The following DOCK5 variants were observed in gnomAD, a reference collection of about 807,000 sequenced individuals.
The protein encoded by DOCK5 is dedicator of cytokinesis protein 5.
A neutral mutation model predicts 251.8 loss-of-function variants in DOCK5; 142 were observed. The ratio of observed to expected loss-of-function variants is 0.56; its 90% confidence interval spans 0.49 to 0.65. The LOEUF is 0.65. Among genes scored for constraint, DOCK5 ranks in the 30% least tolerant of loss-of-function variants. The pLI is 0.00. For synonymous variants in DOCK5, 842 were observed against 835.5 expected (o/e 1.01, Z -0.13); for missense variants, 2,111 against 2,312.3 (o/e 0.91, Z 1.79).
chr8:25,186,723 T>G (rs1801440069), intron 1 of DOCK5, among the ~76,000 whole-genome samples: 1 of 152,120 alleles, frequency 6.6e-6, no homozygotes, highest in Non-Finnish European at 1.5e-5. Context: ...TACAGAAATG[T>G]TATCAACTCT....
chr8:25,268,463 A>C (rs1366545111), intron 2 of DOCK5, among the ~76,000 whole-genome samples: 1 of 152,158 alleles, frequency 6.6e-6, no homozygotes, highest in Non-Finnish European at 1.5e-5. Context: ...TGACATGTAG[A>C]AAGCATGTAT....
At chr8:25,377,030 G>A (rs1170281957) in intron 37 of DOCK5, among the ~76,000 whole-genome samples, 1 of 152,060 alleles carries the variant, frequency 6.6e-6, no homozygotes, top group African/African-American at 2.4e-5. Flanking sequence ...TTATCTGACT[G>A]TGTTACTGAT....
chr8:25,201,140 C>T (rs1474884739), intron 1 of DOCK5, among the ~76,000 whole-genome samples: 1 of 152,184 alleles, frequency 6.6e-6, no homozygotes, highest in Non-Finnish European at 1.5e-5. Context: ...CTCCTGACCT[C>T]AGGTGATCCG....
chr8:25,411,184 G>T lies in DOCK5; in HGVS notation c.5509-10G>T. On this transcript the variant is annotated splice_polypyrimidine_tract_variant and intron_variant, in intron 51 of 51. Transcript: ENST00000276440. ...GACCTGCTTCTAATTTTGTGTTTCT[G>T]CTTCTGCAGCTCGCTCCCCCACTGC... 1 of 1,548,418 alleles carries T rather than the reference G, an allele frequency of 6.5e-7. No individual in the cohort carries two copies. The highest frequency in any genetic ancestry group is 1.2e-5 in the South Asian group (1 of 82,506).
At chr8:25,260,792 CTTTCT>C (rs1385846569) in intron 2 of DOCK5, among the ~76,000 whole-genome samples, 20 of 150,646 alleles carry the variant, frequency 1.3e-4, no homozygotes, top group African/African-American at 4.9e-4. Context: ...TTCTTTCTTT[CTTTCT>C]TTTTTTTTTT....
At chr8:25,323,048 C>A (rs1350158787) in intron 16 of DOCK5, among the ~76,000 whole-genome samples, 1 of 152,196 alleles carries the variant, frequency 6.6e-6, no homozygotes, top group African/African-American at 2.4e-5. Flanking sequence ...GCACAGCAGA[C>A]CACAGAGCCG....
intron 50 of DOCK5, chr8:25,409,832 C>A: frequency 3.7e-6 from 1 of 266,870 alleles, no homozygotes; most frequent in South Asian, 4.9e-5. Context: ...GGCAACAGAG[C>A]GAGACTCCAT....
chr8:25,302,510 A>G (rs1016902175), intron 10 of DOCK5, 56 bp downstream of exon 10: 3 of 1,431,912 alleles, frequency 2.1e-6, no homozygotes, highest in Admixed American at 3.0e-5. Context: ...GGAAAATAGC[A>G]TGGCGATTTC....
At chr8:25,298,565 G>T (rs918957507) in intron 7 of DOCK5, among the ~76,000 whole-genome samples, 1 of 151,974 alleles carries the variant, frequency 6.6e-6, no homozygotes, top group Non-Finnish European at 1.5e-5. Flanking sequence ...CTTCCTCTCG[G>T]GTGTTATCTG....
intron 1 of DOCK5, among the ~76,000 whole-genome samples, chr8:25,230,652 A>T (rs956476538): frequency 2.6e-5 from 4 of 151,874 alleles, no homozygotes; most frequent in Non-Finnish European, 4.4e-5. Context: ...GGAGTTTGAG[A>T]CCAGCCTGGC....
rs142011650 is a variant in DOCK5 at position 25,191,734 on chromosome 8, A to C, written c.43+6783A>C. Among the ~76,000 whole-genome samples, 283 of 151,560 alleles carry C rather than the reference A, an allele frequency of 1.9e-3. 1 individual carries two copies. The highest frequency in any genetic ancestry group is 6.5e-3 in the African/African-American group (270 of 41,472). ...TGAGTTTCTCATCCATGGCCATATAATCTCACTCCAAAAACAAAATCTTTT... is the reference window on the plus strand; with the variant it reads ...TGAGTTTCTCATCCATGGCCATATACTCTCACTCCAAAAACAAAATCTTTT... On this transcript the variant is annotated intron_variant, in intron 1 of 51. Transcript: ENST00000276440.
At chr8:25,368,150 TCTA>T (rs758901660) in intron 31 of DOCK5, 39 bp from the exon 32 acceptor site, 1 of 1,487,230 alleles carries the variant, frequency 6.7e-7, no homozygotes, top group South Asian at 1.2e-5. Flanking sequence ...GCAATTCATT[TCTA>T]CTGAAAATCC....
Position 25,366,935 on chromosome 8 carries a change from C to T in DOCK5, c.3189C>T (p.Thr1063=), listed in dbSNP as rs762483242. 1 of 1,613,812 alleles carries T rather than the reference C, an allele frequency of 6.2e-7. No homozygotes were observed. The change falls in exon 31 of 52, where the codon ACC becomes ACT. Residue 1063 remains threonine, a synonymous_variant. Transcript: ENST00000276440. ...CCCATGAGTCCCTTCAGCTTGAAAC[C>T]TTCTCACAAGCCAAGCGCAACAAAA... ...FLTHESLQLE[T]FSQAKRNKIV...
At chr8:25,206,608 A>G (rs936242357) in intron 1 of DOCK5, among the ~76,000 whole-genome samples, 2 of 152,202 alleles carry the variant, frequency 1.3e-5, no homozygotes, top group African/African-American at 4.8e-5. Flanking sequence ...CCTGGATAGA[A>G]GACCCAGGGA....
chr8:25,221,697 G>A (rs1048544195), intron 1 of DOCK5, among the ~76,000 whole-genome samples: 7 of 152,132 alleles, frequency 4.6e-5, no homozygotes, highest in Non-Finnish European at 1.0e-4. Flanking sequence ...ATCATTAGTT[G>A]AGTACTTACA....
At chr8:25,312,619 TG>T (rs1805131014) in intron 13 of DOCK5, among the ~76,000 whole-genome samples, 1 of 151,964 alleles carries the variant, frequency 6.6e-6, no homozygotes, top group African/African-American at 2.4e-5. Flanking sequence ...AAAAATCAGC[TG>T]GGCGAGTTGA....
rs117553052 is a variant in DOCK5, at chr8:25,248,807, G to C, written c.127+5050G>C. On this transcript the variant is annotated intron_variant, in intron 2 of 51. Transcript: ENST00000276440. The stretch of plus-strand genomic sequence containing the variant: ...GCTCAGCAACAATCTATTGAATGAT[G>C]AAGGTAAAATAGGAGACCAAGGCAA... Among the ~76,000 whole-genome samples, 946 of 152,188 alleles carry C rather than the reference G, an allele frequency of 6.2e-3. 7 individuals carry two copies. The highest frequency in any genetic ancestry group is 1.0e-2 in the Non-Finnish European group (678 of 68,020).
intron 13 of DOCK5, among the ~76,000 whole-genome samples, 197 bp from the exon 14 acceptor site, chr8:25,316,810 G>A (rs926295599): frequency 2.0e-5 from 3 of 152,194 alleles, no homozygotes; most frequent in Admixed American, 1.3e-4. Flanking sequence ...ACAGTGCAAA[G>A]ACATCTTGGT....
chr8:25,298,308 G>A (rs1223500602), intron 7 of DOCK5, among the ~76,000 whole-genome samples: 1 of 152,034 alleles, frequency 6.6e-6, no homozygotes, highest in Admixed American at 6.6e-5. Context: ...TTTAATGAGA[G>A]TTATTTCTTT....
Sources: gnomAD v4.1 joint callset for allele counts (sites outside exome capture counted in the v4.1 genomes callset) on GRCh38, gnomAD v4.1.1 for gene constraint, MANE v1.5 for transcripts, NCBI Gene and HGNC (gene_info 2026-07-23, HGNC 2026-07-21) for gene names.